Variants in CPSF2 observed in about 807,000 individuals in gnomAD.
The protein encoded by CPSF2 is cleavage and polyadenylation specificity factor subunit 2.
CPSF2 carries 51 observed loss-of-function variants against 84.2 expected under a neutral mutation model. The ratio of observed to expected loss-of-function variants is 0.61; its 90% CI spans 0.48 to 0.77. The LOEUF (loss-of-function observed/expected upper bound fraction) is 0.77. CPSF2 is among the 30% of genes least tolerant of loss of function. CPSF2 has a pLI of 0.00. For missense variants in CPSF2, 641 were observed against 929.4 expected (o/e 0.69, Z 4.03); for synonymous variants, 286 against 311.9 (o/e 0.92, Z 0.87).
chr14:92,130,897 A>G (rs922392749), intron 2 of CPSF2, 54 bp from the exon 3 acceptor site: 6 of 1,097,378 alleles, frequency 5.5e-6, no homozygotes, highest in Non-Finnish European at 7.9e-6. Flanking sequence ...TTTGTTTATT[A>G]TATATGCCAG....
Position 92,161,224 on chromosome 14 carries a change from A to G in CPSF2, c.2234A>G (p.Asn745Ser), listed in dbSNP as rs200293175. The change falls in exon 15 of 16, where the codon AAC becomes AGC. Residue 745 changes from asparagine (N) to serine (S), a missense_variant. Asn to Ser is a conservative substitution (Grantham distance 46). Transcript: ENST00000298875. ...TTTGTAGGAGGTGTACTTGTTTGCA[A>G]CAATCAAGTAGCAGTCCGCAGAGTA... ...AEFVGGVLVC[N>S]NQVAVRRTET... 133 of 1,612,596 alleles carry G rather than the reference A, an allele frequency of 8.2e-5. No homozygotes were observed. The highest frequency in any genetic ancestry group is 3.3e-5 in the Non-Finnish European group (39 of 1,179,490).
Position 92,161,691 on chromosome 14 carries a change from C to G in CPSF2, c.2296C>G (p.Gln766Glu), listed in dbSNP as rs776445565. 14 of 1,594,666 alleles carry G rather than the reference C, an allele frequency of 8.8e-6. No homozygotes were observed. The highest frequency in any genetic ancestry group is 1.1e-5 in the Non-Finnish European group (13 of 1,174,020). Residue 766 changes from glutamine to glutamate, a missense_variant, in exon 16 of 16, where the codon CAA becomes GAA. This residue lies in a region of CPSF2 where 430 missense variants were observed against 553.6 expected (regional missense o/e 0.78). Coordinates refer to ENST00000298875, the MANE Select transcript of CPSF2 (RefSeq NM_017437.3). ...CATTGGATTAGAAGGCTGCCTTTGT[C>G]AAGATTTTTATAGGATAAGAGACCT... is the stretch of plus-strand genomic sequence containing the variant. ...GRIGLEGCLC[Q>E]DFYRIRDLLY...
rs1567029653 is a variant in CPSF2 at position 92,164,886 on chromosome 14, T to C, written c.*3142T>C. ...ACCACTATATAATCCCAGAACACTT[T>C]CATCACTCCAAAAAGAAACACCATA... On this transcript the variant is annotated 3_prime_UTR_variant, in exon 16 of 16. Coordinates refer to ENST00000298875, the MANE Select transcript of CPSF2 (RefSeq NM_017437.3). 6.6e-6 allele frequency: 1 copy of C among 152,212 alleles called. No individual in the cohort carries two copies. Among genetic ancestry groups the C allele is most frequent in the African/African-American group, 2.4e-5 (1 of 41,452 alleles). The allele number at this position is 152,212 out of a possible 1,614,324, so 9.4% of individuals were successfully genotyped here.
rs1001307116 is a variant in CPSF2 at position 92,165,399 on chromosome 14, T to G, written c.*3655T>G. 2.0e-5 allele frequency: 3 copies of G among 152,170 alleles called. No individual in the cohort carries two copies. Among genetic ancestry groups the G allele is most frequent in the African/African-American group, 7.2e-5 (3 of 41,432 alleles). The allele number at this position is 152,170 out of a possible 1,614,324, so 9.4% of individuals were successfully genotyped here. Reference sequence around the variant, plus strand: ...AACATTTTGCATTTCCACCAGCATGTGTTTGAGGGTTCCATTTTCTCCTCA... The same window carrying G: ...AACATTTTGCATTTCCACCAGCATGGGTTTGAGGGTTCCATTTTCTCCTCA... On this transcript the variant is annotated 3_prime_UTR_variant, in exon 16 of 16. Coordinates refer to ENST00000298875, the MANE Select transcript of CPSF2 (RefSeq NM_017437.3).
Position 92,171,910 on chromosome 14 carries a change from C to T in CPSF2, c.*10166C>T, listed in dbSNP as rs1013158410. On this transcript the variant is annotated 3_prime_UTR_variant, in exon 16 of 16. Transcript: ENST00000298875. ...TTCATTTTCCCTGTGATTAACCAAC[C>T]TCCTGACCACGTGGCTGGCTCCTTT... The T allele has an allele frequency of 6.6e-6, 1 of 152,498 alleles. No homozygotes were observed. Among genetic ancestry groups the T allele is most frequent in the Non-Finnish European group, 1.5e-5 (1 of 68,258 alleles). 9.4% of individuals were successfully genotyped at this position (152,498 alleles called of 1,614,324 possible).
chr14:92,132,423 C>T (rs1274303350), intron 3 of CPSF2, among the ~76,000 whole-genome samples: 3 of 151,896 alleles, frequency 2.0e-5, no homozygotes, highest in Non-Finnish European at 2.9e-5. Flanking sequence ...GCCTGAACCA[C>T]CATGCCCAGC....
chr14:92,149,031 C>A (rs12889045), intron 9 of CPSF2, among the ~76,000 whole-genome samples: 32,267 of 151,994 alleles, frequency 0.21, 3,812 homozygotes, highest in East Asian at 0.53. Flanking sequence ...TATTTAATCT[C>A]GTGGTTCTCA....
intron 9 of CPSF2, among the ~76,000 whole-genome samples, chr14:92,153,482 T>G (rs573032676): frequency 6.6e-6 from 1 of 152,168 alleles, no homozygotes; most frequent in Admixed American, 6.5e-5. Flanking sequence ...GCTGTATTTA[T>G]TTATGTTTCC....
intron 3 of CPSF2, among the ~76,000 whole-genome samples, chr14:92,131,851 G>A (rs61357762): frequency 0.16 from 24,058 of 150,338 alleles, 2,164 homozygotes; most frequent in East Asian, 0.4. Context: ...AAAAAAATAA[G>A]ATAAAATAAA....
chr14:92,164,510 G>A lies in CPSF2; in HGVS notation c.*2766G>A, dbSNP rs562701648. The stretch of plus-strand genomic sequence containing the variant: ...GTGGAATTTTCAGATGAGATGGGGC[G>A]CGTTCAGGGTGGTATGACTGTAGAC... On this transcript the variant is annotated 3_prime_UTR_variant, in exon 16 of 16. Coordinates refer to ENST00000298875, the MANE Select transcript of CPSF2 (RefSeq NM_017437.3). 1.1e-4 allele frequency: 17 copies of A among 152,370 alleles called. No homozygotes were observed. In the East Asian group the frequency reaches 1.5e-3, roughly 14 times the overall value. The allele number at this position is 152,370 out of a possible 1,614,324, so 9.4% of individuals were successfully genotyped here. A position where few individuals can be genotyped will look rare whatever the true frequency, so the allele number is the denominator to read the frequency against.
chr14:92,153,395 G>C, intron 9 of CPSF2, among the ~76,000 whole-genome samples: 1 of 151,916 alleles, frequency 6.6e-6, no homozygotes, highest in Non-Finnish European at 1.5e-5. Context: ...ATATTTTTCT[G>C]TTTCTTTTTT....
Position 92,134,396 on chromosome 14 carries a change from GT to G in CPSF2, c.415+44del, listed in dbSNP as rs1567018160. The G allele has an allele frequency of 3.8e-6, 5 of 1,311,844 alleles. No homozygotes were observed. The South Asian group carries it at 6.1e-5, about 16-fold the overall frequency. 81.3% of individuals were successfully genotyped at this position (1,311,844 alleles called of 1,614,324 possible). A position where few individuals can be genotyped will look rare whatever the true frequency, so the allele number is the denominator to read the frequency against. On this transcript the variant is annotated intron_variant, in intron 5 of 15. Transcript: ENST00000298875. ...AGTAGTAAGTATTTAGATGAATGGG[GT>G]TTAACTTGCTGGAAAATACCGAGGA...
At chr14:92,142,056 A>G in intron 7 of CPSF2, 108 bp from the exon 8 acceptor site, 2 of 886,852 alleles carry the variant, frequency 2.3e-6, no homozygotes, top group Non-Finnish European at 3.3e-6. Context: ...GTAGTTGCTT[A>G]TTTGTAAATT....
At chr14:92,142,780 T>C (rs192859066) in intron 8 of CPSF2, among the ~76,000 whole-genome samples, 18 of 152,358 alleles carry the variant, frequency 1.2e-4, no homozygotes, top group Admixed American at 7.8e-4. Flanking sequence ...TTAAGGTGAT[T>C]TATATGTGAA....
chr14:92,143,355 TA>T, intron 9 of CPSF2, 61 bp downstream of exon 9: 6 of 1,138,140 alleles, frequency 5.3e-6, no homozygotes, highest in Non-Finnish European at 6.3e-6. Flanking sequence ...GTGCATGATG[TA>T]AAAAAATAGT....
intron 3 of CPSF2, among the ~76,000 whole-genome samples, chr14:92,133,237 T>C (rs2068956692): frequency 6.6e-6 from 1 of 151,544 alleles, no homozygotes; most frequent in Non-Finnish European, 1.5e-5. Flanking sequence ...CTAACCAACA[T>C]AGAGAAACCC....
chr14:92,168,173 G>C lies in CPSF2; in HGVS notation c.*6429G>C, dbSNP rs1375260749. 6.7e-6 allele frequency: 1 copy of C among 150,016 alleles called. No homozygotes were observed. Among genetic ancestry groups the C allele is most frequent in the East Asian group, 2.0e-4 (1 of 4,976 alleles). The allele number at this position is 150,016 out of a possible 1,614,324, so 9.3% of individuals were successfully genotyped here. On this transcript the variant is annotated 3_prime_UTR_variant, in exon 16 of 16. Transcript: ENST00000298875. Reference sequence around the variant, plus strand: ...TGAGGCAGTAGAATCGCTTGAACCCGGGATGCGGAAGTTGCAGTGAGCCAA... The same window carrying C: ...TGAGGCAGTAGAATCGCTTGAACCCCGGATGCGGAAGTTGCAGTGAGCCAA...
At position 92,170,566 on chromosome 14, in the gene CPSF2, C is replaced by T. The variant is rs1042345259; in HGVS notation, c.*8822C>T. 6.6e-5 allele frequency: 10 copies of T among 152,224 alleles called. No homozygotes were observed. The highest frequency in any genetic ancestry group is 1.3e-4 in the Non-Finnish European group (9 of 68,040). 9.4% of individuals were successfully genotyped at this position (152,224 alleles called of 1,614,324 possible). On this transcript the variant is annotated 3_prime_UTR_variant, in exon 16 of 16. Transcript: ENST00000298875. Reference sequence around the variant, plus strand: ...TTCCTTTTTTGGTCCACAGTCCAATCAGGATGAAGCACGCATTTAGTTACA... The same window carrying T: ...TTCCTTTTTTGGTCCACAGTCCAATTAGGATGAAGCACGCATTTAGTTACA...
chr14:92,156,449 A>C lies in CPSF2; in HGVS notation c.1443-30A>C, dbSNP rs776340500. ...GTTATGTAGTATTAGCTTGCTTTTT[A>C]CTGCTTCTAATTAGAGACTTATTAT... On this transcript the variant is annotated intron_variant, in intron 11 of 15. Coordinates refer to ENST00000298875, the MANE Select transcript of CPSF2 (RefSeq NM_017437.3). 7 of 1,592,178 alleles carry C rather than the reference A, an allele frequency of 4.4e-6. No homozygotes were observed. The East Asian group carries it at 1.6e-4, about 36-fold the overall frequency.
Sources: gnomAD v4.1 joint callset for allele counts (sites outside exome capture counted in the v4.1 genomes callset) on GRCh38, gnomAD v4.1.1 for gene constraint, gnomAD v4.1.1 regional missense constraint, MANE v1.5 for transcripts, NCBI Gene and HGNC (gene_info 2026-07-23, HGNC 2026-07-21) for gene names.